Variants in CEP112 observed in about 807,000 individuals in gnomAD.
CEP112 encodes centrosomal protein 112, also known as centrosomal protein of 112 kDa.
CEP112 carries 127 observed loss-of-function variants against 153.0 expected under a neutral mutation model. That is an observed-to-expected ratio of 0.83 (90% confidence interval 0.72 to 0.96). The LOEUF is 0.96. Ranked by LOEUF, CEP112 falls within the 40% of genes least tolerant of loss-of-function variation. CEP112 has a pLI of 0.00. For synonymous variants in CEP112, 358 were observed against 374.4 expected (o/e 0.96, Z 0.51); for missense variants, 1,089 against 1,101.2 (o/e 0.99, Z 0.16).
chr17:65,846,320 T>C (rs375519202), intron 21 of CEP112, among the ~76,000 whole-genome samples: 2 of 152,198 alleles, frequency 1.3e-5, no homozygotes, highest in South Asian at 2.1e-4. Flanking sequence ...AAAAAATTTG[T>C]GTAGAAAAAT....
intron 4 of CEP112, among the ~76,000 whole-genome samples, chr17:66,154,581 G>A (rs779841440): frequency 2.0e-5 from 3 of 152,086 alleles, no homozygotes; most frequent in Non-Finnish European, 2.9e-5. Flanking sequence ...GATAGACAGA[G>A]GGAATTAGCC....
chr17:65,727,140 T>A (rs894013433), intron 23 of CEP112, among the ~76,000 whole-genome samples: 2 of 152,250 alleles, frequency 1.3e-5, no homozygotes, highest in Non-Finnish European at 2.9e-5. Context: ...CCCTGTATCT[T>A]CATCATTGAC....
chr17:65,756,405 C>CAAAAA (rs766476895), intron 21 of CEP112, among the ~76,000 whole-genome samples: 5 of 30,512 alleles, frequency 1.6e-4, no homozygotes, highest in South Asian at 9.8e-4. Context: ...GACTCCGTCT[C>CAAAAA]AAAAAAAAAA....
intron 4 of CEP112, among the ~76,000 whole-genome samples, chr17:66,133,903 T>A (rs573814117): frequency 6.6e-6 from 1 of 152,264 alleles, no homozygotes; most frequent in South Asian, 2.1e-4. Context: ...TAATGTAAAA[T>A]GGCTGAAAAA....
At chr17:65,900,506 G>A (rs9891144) in intron 20 of CEP112, among the ~76,000 whole-genome samples, 3,000 of 152,088 alleles carry the variant, frequency 0.02, 105 homozygotes, top group African/African-American at 0.068. Flanking sequence ...TGGCAGACAC[G>A]ACTCATGCAA....
chr17:65,662,607 G>T (rs1008140521), intron 24 of CEP112, among the ~76,000 whole-genome samples: 2 of 152,192 alleles, frequency 1.3e-5, no homozygotes, highest in African/African-American at 4.8e-5. Context: ...TCATGGTAAA[G>T]AGTAAAAAGA....
At chr17:65,757,398 T>C (rs1445773739) in intron 21 of CEP112, among the ~76,000 whole-genome samples, 1 of 152,074 alleles carries the variant, frequency 6.6e-6, no homozygotes, top group Non-Finnish European at 1.5e-5. Context: ...ATGAGGATGG[T>C]AGAAAACATC....
chr17:65,808,048 G>A (rs2055715948), intron 21 of CEP112, among the ~76,000 whole-genome samples: 1 of 152,258 alleles, frequency 6.6e-6, no homozygotes, highest in South Asian at 2.1e-4. Context: ...GCAGTACCCT[G>A]CAGAGCCACA....
intron 12 of CEP112, among the ~76,000 whole-genome samples, chr17:66,044,427 C>A (rs568599447): frequency 3.1e-4 from 47 of 152,198 alleles, no homozygotes; most frequent in Admixed American, 1.1e-3. Flanking sequence ...CCCACGTACA[C>A]GGCAGCATTA....
rs115905370 is a variant in CEP112 at position 65,951,743 on chromosome 17, G to A, written c.1872+9720C>T. Among the ~76,000 whole-genome samples, 35 of 78,400 alleles carry A rather than the reference G, an allele frequency of 4.5e-4. 1 individual carries two copies. Among genetic ancestry groups the A allele is most frequent in the East Asian group, 2.6e-3 (2 of 758 alleles). 51.4% of individuals were successfully genotyped at this position (78,400 alleles called of 152,430 possible). Reference sequence around the variant, plus strand: ...TAGCTTTCTGCTCTAATCTTCCCCCGCCCCCCCCTTTCTTCCACTTGCTTA... The same window carrying A: ...TAGCTTTCTGCTCTAATCTTCCCCCACCCCCCCCTTTCTTCCACTTGCTTA... On this transcript the variant is annotated intron_variant, in intron 18 of 26. Coordinates refer to ENST00000535342, the MANE Select transcript of CEP112 (RefSeq NM_001199165.4).
chr17:65,751,527 G>A (rs1349160041), intron 21 of CEP112, among the ~76,000 whole-genome samples: 1 of 152,124 alleles, frequency 6.6e-6, no homozygotes, highest in African/African-American at 2.4e-5. Context: ...TTACTACTGG[G>A]AAAGGCTGGT....
chr17:66,096,398 C>T, intron 7 of CEP112, 70 bp from the exon 8 acceptor site: 1 of 1,450,524 alleles, frequency 6.9e-7, no homozygotes, highest in South Asian at 1.2e-5. Context: ...AAGAAAACTT[C>T]TAAATTGCCT....
intron 21 of CEP112, among the ~76,000 whole-genome samples, chr17:65,769,319 T>C (rs1270940681): frequency 6.6e-6 from 1 of 152,056 alleles, no homozygotes; most frequent in African/African-American, 2.4e-5. Context: ...GCAGAATTAA[T>C]ATTTTTTAAA....
chr17:65,694,210 T>G (rs964013310), intron 23 of CEP112, among the ~76,000 whole-genome samples: 1 of 152,060 alleles, frequency 6.6e-6, no homozygotes, highest in African/African-American at 2.4e-5. Flanking sequence ...GCCCTTTGGG[T>G]GATGCCCACA....
rs189302947 is a variant in CEP112, at chr17:65,934,120, C to T, written c.1873-6431G>A. Among the ~76,000 whole-genome samples the T allele has an allele frequency of 9.2e-4, 140 of 152,028 alleles. 3 individuals carry two copies. The highest frequency in any genetic ancestry group is 8.9e-3 in the South Asian group (43 of 4,818). ...ACGAGAACTGCTTGAACCTGGGAGG[C>T]GGAGGTTGCAATGAGCTGAGATTAC... is the stretch of plus-strand genomic sequence containing the variant. On this transcript the variant is annotated intron_variant, in intron 18 of 26. Transcript: ENST00000535342.
chr17:65,716,748 C>T (rs147015589), intron 23 of CEP112, among the ~76,000 whole-genome samples: 337 of 151,944 alleles, frequency 2.2e-3, no homozygotes, highest in African/African-American at 7.5e-3. Context: ...GTAATCAATT[C>T]AAAATGTGGG....
chr17:65,664,482 G>C (rs981080072), intron 24 of CEP112, among the ~76,000 whole-genome samples: 6 of 152,198 alleles, frequency 3.9e-5, no homozygotes, highest in Non-Finnish European at 7.3e-5. Context: ...TGGTATTTTA[G>C]GAAGATTGCC....
At chr17:66,110,045 A>G (rs1380870882) in intron 6 of CEP112, among the ~76,000 whole-genome samples, 1 of 152,210 alleles carries the variant, frequency 6.6e-6, no homozygotes, top group Non-Finnish European at 1.5e-5. Flanking sequence ...CTGTAGTCCC[A>G]TCTACTCAGG....
intron 21 of CEP112, among the ~76,000 whole-genome samples, chr17:65,789,424 T>TA (rs1181461081): frequency 6.6e-6 from 1 of 152,204 alleles, no homozygotes; most frequent in Admixed American, 6.5e-5. Flanking sequence ...TATCACTTTG[T>TA]AATTAAAGAA....
Sources: allele counts gnomAD v4.1 joint callset (sites outside exome capture counted in the v4.1 genomes callset), GRCh38; gene constraint gnomAD v4.1.1; transcripts MANE v1.5; gene names NCBI Gene and HGNC (gene_info 2026-07-23, HGNC 2026-07-21).